RASSF3: variants seen among roughly 807,000 people sequenced by gnomAD.
RASSF3 encodes the protein Ras association domain family member 3, also known as ras association domain-containing protein 3.
A neutral mutation model predicts 19.9 loss-of-function variants in RASSF3; 19 were observed. The observed-to-expected ratio is 0.96, with a 90% CI of 0.67 to 1.40. The LOEUF is 1.40. RASSF3 is among the 40% of genes most tolerant of loss of function. The pLI, the probability that RASSF3 is intolerant of heterozygous loss-of-function variation, is 0.00. For synonymous variants in RASSF3, 110 were observed against 104.2 expected (o/e 1.06, Z -0.34); for missense variants, 306 against 289.8 (o/e 1.06, Z -0.41).
upstream of RASSF3, chr12:64,609,454 T>G (rs1205956471): frequency 2.6e-5 from 4 of 152,204 alleles, no homozygotes; most frequent in Admixed American, 2.6e-4. Context: ...CCCCTCCTAA[T>G]GAAACCTCTT....
At chr12:64,657,932 C>G (rs1872217011) in intron 1 of RASSF3, among the ~76,000 whole-genome samples, 1 of 152,072 alleles carries the variant, frequency 6.6e-6, no homozygotes. Context: ...AAAAAATTAG[C>G]CAGACATGGT....
intron 3 of RASSF3, among the ~76,000 whole-genome samples, 156 bp from the exon 4 acceptor site, chr12:64,691,314 G>T (rs1243270700): frequency 6.6e-6 from 1 of 152,110 alleles, no homozygotes; most frequent in Admixed American, 6.6e-5. Context: ...TTCCACTGTG[G>T]GCTACTGGTA....
intron 2 of RASSF3, among the ~76,000 whole-genome samples, chr12:64,584,503 GAA>G (rs11461888): frequency 6.2e-5 from 7 of 112,704 alleles, no homozygotes; most frequent in African/African-American, 1.0e-4. Flanking sequence ...TCCAGGCTAA[GAA>G]AAAAAAAAAA....
chr12:64,513,415 A>G (rs1270213380), intron 1 of RASSF3, among the ~76,000 whole-genome samples: 1 of 148,488 alleles, frequency 6.7e-6, no homozygotes, highest in Non-Finnish European at 1.5e-5. Context: ...ATGCCACTGC[A>G]CTCCAGCCTG....
At chr12:64,672,286 C>T (rs61931655) in intron 1 of RASSF3, among the ~76,000 whole-genome samples, 78 of 152,192 alleles carry the variant, frequency 5.1e-4, no homozygotes, top group Middle Eastern at 3.4e-3. Context: ...AGTGCAGTGG[C>T]ACAATCTCAG....
At chr12:64,615,356 G>A (rs79772827) in intron 1 of RASSF3, among the ~76,000 whole-genome samples, 1,655 of 152,222 alleles carry the variant, frequency 0.011, 34 homozygotes, top group African/African-American at 0.038. Flanking sequence ...TTTAGAAGTA[G>A]GGTAGTCAAG....
chr12:64,661,785 A>G (rs556242926), intron 1 of RASSF3, among the ~76,000 whole-genome samples: 7 of 148,862 alleles, frequency 4.7e-5, no homozygotes, highest in South Asian at 4.2e-4. Flanking sequence ...GGGTTCAAAC[A>G]ATTTTCCTGC....
In RASSF3 at chr12:64,661,461, C is replaced by T. The variant is rs1003473797; in HGVS notation, c.112-23326C>T. ...GATTGCCACTGCACTCCAGCTTGGGCGACAAAGTGAGACCCTGTCTCTAAA... is the reference window on the plus strand; with the variant it reads ...GATTGCCACTGCACTCCAGCTTGGGTGACAAAGTGAGACCCTGTCTCTAAA... On this transcript the variant is annotated intron_variant, in intron 1 of 4. Coordinates refer to ENST00000542104, the MANE Select transcript of RASSF3 (RefSeq NM_178169.4). Among the ~76,000 whole-genome samples, 7 of 151,778 alleles carry T rather than the reference C, an allele frequency of 4.6e-5. No homozygotes were observed. In the South Asian group the frequency reaches 6.2e-4, roughly 14 times the overall value.
chr12:64,639,983 T>G (rs1313117392), intron 1 of RASSF3, among the ~76,000 whole-genome samples: 2 of 152,338 alleles, frequency 1.3e-5, no homozygotes, highest in East Asian at 3.9e-4. Context: ...AAATTAAAGG[T>G]AAACTGCATT....
chr12:64,600,010 C>CGA (rs1215737589), intron 2 of RASSF3, among the ~76,000 whole-genome samples: 12 of 113,182 alleles, frequency 1.1e-4, no homozygotes, highest in Non-Finnish European at 1.5e-4. Flanking sequence ...CCAGCCTGGG[C>CGA]GAGAGAGAGA....
At position 64,634,957 on chromosome 12, in the gene RASSF3, C is replaced by T. The variant is rs988423901; in HGVS notation, c.111+24214C>T. On this transcript the variant is annotated intron_variant, in intron 1 of 4. Transcript: ENST00000542104. ...ATGCATAGTTTCTTCTTTTTCTTTTCTTTTCTTTTCTTTTTTTTTTTTTTT... is the reference window on the plus strand; with the variant it reads ...ATGCATAGTTTCTTCTTTTTCTTTTTTTTTCTTTTCTTTTTTTTTTTTTTT... 1.1e-4 allele frequency among the ~76,000 whole-genome samples: 15 copies of T among 132,864 alleles called. 1 individual carries two copies. The East Asian group carries it at 3.3e-3, about 29-fold the overall frequency. The allele number at this position is 132,864 out of a possible 152,430, so 87.2% of individuals were successfully genotyped here. A position where few individuals can be genotyped will look rare whatever the true frequency, so the allele number is the denominator to read the frequency against.
intron 2 of RASSF3, among the ~76,000 whole-genome samples, chr12:64,568,524 T>A (rs778270074): frequency 1.6e-4 from 25 of 152,152 alleles, no homozygotes; most frequent in Non-Finnish European, 3.2e-4. Context: ...ACACACCATG[T>A]GGCGGCAATT....
intron 1 of RASSF3, among the ~76,000 whole-genome samples, chr12:64,517,012 A>G (rs1868379683): frequency 6.8e-6 from 1 of 147,918 alleles, no homozygotes; most frequent in Non-Finnish European, 1.5e-5. Context: ...AAAAAAAAAA[A>G]AAAAAAAAAG....
intron 2 of RASSF3, among the ~76,000 whole-genome samples, chr12:64,557,222 C>T (rs1288357160): frequency 6.6e-6 from 1 of 152,102 alleles, no homozygotes; most frequent in African/African-American, 2.4e-5. Context: ...CCCAAACTGT[C>T]ACTCCTAAGA....
At chr12:64,566,784 A>G (rs1258094600) in intron 2 of RASSF3, among the ~76,000 whole-genome samples, 1 of 152,160 alleles carries the variant, frequency 6.6e-6, no homozygotes, top group Non-Finnish European at 1.5e-5. Context: ...TTTCCTCACC[A>G]TTCTACACAA....
At chr12:64,641,922 A>G (rs1871548924) in intron 1 of RASSF3, among the ~76,000 whole-genome samples, 1 of 151,744 alleles carries the variant, frequency 6.6e-6, no homozygotes. Flanking sequence ...TTGTATCTTT[A>G]GTAGAGACGG....
downstream of RASSF3, among the ~76,000 whole-genome samples, chr12:64,544,108 G>T (rs373959059): frequency 6.6e-6 from 1 of 151,986 alleles, no homozygotes; most frequent in South Asian, 2.1e-4. Context: ...AGTTCTTTAG[G>T]TGTTTGCAAT....
downstream of RASSF3, among the ~76,000 whole-genome samples, chr12:64,545,980 C>T (rs898670611): frequency 1.3e-5 from 2 of 151,386 alleles, no homozygotes; most frequent in Admixed American, 1.3e-4. Context: ...CTTGTAGTCC[C>T]AGCTACTCTG....
chr12:64,694,812 A>G lies in RASSF3; in HGVS notation c.617A>G (p.Asp206Gly). 6.2e-7 allele frequency: 1 copy of G among 1,614,192 alleles called. No individual in the cohort carries two copies. The highest frequency in any genetic ancestry group is 8.5e-7 in the Non-Finnish European group (1 of 1,180,016). The stretch of plus-strand genomic sequence containing the variant: ...CTACAGAATTTCTTGCGCATCTTGG[A>G]CAAGGAAGAAGATGAACAGCTGCAG... ...PELQNFLRILDKEEDEQLQNL... is the reference protein window; with the variant it reads ...PELQNFLRILGKEEDEQLQNL... Residue 206 changes from aspartate to glycine, a missense_variant, in exon 5 of 5, where the codon GAC (aspartate) becomes GGC (glycine). Asp to Gly is a moderately conservative substitution (Grantham distance 94). Coordinates refer to ENST00000542104, the MANE Select transcript of RASSF3 (RefSeq NM_178169.4).
Sources: gnomAD v4.1 joint callset for allele counts (sites outside exome capture counted in the v4.1 genomes callset) on GRCh38, gnomAD v4.1.1 for gene constraint, MANE v1.5 for transcripts, NCBI Gene and HGNC (gene_info 2026-07-23, HGNC 2026-07-21) for gene names.